Variants in DLG2 observed in about 807,000 individuals in gnomAD.
The protein encoded by DLG2 is disks large homolog 2.
A neutral mutation model predicts 132.5 loss-of-function variants in DLG2; 45 were observed. The observed-to-expected ratio is 0.34, with a 90% CI of 0.27 to 0.44. The LOEUF is 0.44. Ranked by LOEUF, DLG2 falls within the 20% of genes least tolerant of loss-of-function variation. The pLI is 1.00. For synonymous variants in DLG2, 424 were observed against 419.6 expected (o/e 1.01, Z -0.13); for missense variants, 1,045 against 1,196.9 (o/e 0.87, Z 1.87).
At chr11:85,060,702 G>C (rs988965684) in intron 6 of DLG2, among the ~76,000 whole-genome samples, 1 of 151,658 alleles carries the variant, frequency 6.6e-6, no homozygotes, top group African/African-American at 2.4e-5. Context: ...ACACAGACGT[G>C]AGATTGGTGG....
chr11:84,066,199 A>G (rs2096669166), intron 10 of DLG2, among the ~76,000 whole-genome samples: 1 of 152,176 alleles, frequency 6.6e-6, no homozygotes, highest in Non-Finnish European at 1.5e-5. Flanking sequence ...AAACATGCAC[A>G]TGTACCCCCG....
intron 6 of DLG2, among the ~76,000 whole-genome samples, chr11:84,734,346 T>C (rs2063546894): frequency 1.3e-5 from 2 of 152,194 alleles, no homozygotes; most frequent in Non-Finnish European, 2.9e-5. Context: ...CTTGAAGAGT[T>C]CCTTCACATC....
chr11:83,808,654 T>G (rs1031998690), intron 17 of DLG2, among the ~76,000 whole-genome samples: 9 of 152,194 alleles, frequency 5.9e-5, no homozygotes, highest in African/African-American at 1.9e-4. Context: ...ATCATCATCC[T>G]CTATCTTTTC....
At chr11:85,034,218 C>T (rs2061267355) in intron 6 of DLG2, among the ~76,000 whole-genome samples, 1 of 151,988 alleles carries the variant, frequency 6.6e-6, no homozygotes, top group Non-Finnish European at 1.5e-5. Context: ...GCTGGGACCA[C>T]AGGCGCCTGC....
chr11:85,116,359 T>G (rs1449965568), intron 5 of DLG2, among the ~76,000 whole-genome samples: 2 of 151,920 alleles, frequency 1.3e-5, no homozygotes, highest in African/African-American at 4.8e-5. Flanking sequence ...ACTCAGAAAG[T>G]GCCTCCAAAT....
At chr11:83,803,515 C>T (rs146014471) in intron 17 of DLG2, among the ~76,000 whole-genome samples, 29 of 152,132 alleles carry the variant, frequency 1.9e-4, no homozygotes, top group African/African-American at 6.5e-4. Context: ...TCCCAGTGAA[C>T]CTTATTATTT....
At chr11:84,029,746 C>T (rs2095640688) in intron 11 of DLG2, among the ~76,000 whole-genome samples, 1 of 152,072 alleles carries the variant, frequency 6.6e-6, no homozygotes, top group Admixed American at 6.6e-5. Context: ...AGGTTTAGGC[C>T]TGTGCTCTGT....
At chr11:83,739,567 C>A (rs2092330040) in intron 18 of DLG2, among the ~76,000 whole-genome samples, 1 of 151,988 alleles carries the variant, frequency 6.6e-6, no homozygotes, top group Non-Finnish European at 1.5e-5. Flanking sequence ...AGAAGATATT[C>A]AAATAGCTGA....
intron 7 of DLG2, among the ~76,000 whole-genome samples, chr11:84,314,774 G>A (rs2098337752): frequency 6.6e-6 from 1 of 151,702 alleles, no homozygotes; most frequent in African/African-American, 2.4e-5. Flanking sequence ...TAGGTATAGT[G>A]AGACATTTGA....
chr11:84,319,109 G>A (rs1233143724), intron 7 of DLG2, among the ~76,000 whole-genome samples: 1 of 151,964 alleles, frequency 6.6e-6, no homozygotes, highest in Admixed American at 6.6e-5. Context: ...AATAACAAAG[G>A]CATTAATAGT....
chr11:83,877,645 T>G (rs903787692), intron 15 of DLG2, among the ~76,000 whole-genome samples: 4 of 152,324 alleles, frequency 2.6e-5, no homozygotes, highest in Admixed American at 6.5e-5. Context: ...ACATGCAAGG[T>G]TAGCCAGTTT....
intron 7 of DLG2, among the ~76,000 whole-genome samples, chr11:84,488,524 C>G (rs1458931113): frequency 6.6e-6 from 1 of 152,050 alleles, no homozygotes; most frequent in Non-Finnish European, 1.5e-5. Flanking sequence ...CTTCCTTAGC[C>G]CTGAGATTTG....
chr11:85,581,877 C>G (rs1475285968), intron 3 of DLG2, among the ~76,000 whole-genome samples: 1 of 151,972 alleles, frequency 6.6e-6, no homozygotes, highest in Non-Finnish European at 1.5e-5. Context: ...AGGTCAGCAG[C>G]TAATGTTGAA....
chr11:85,073,177 C>G (rs2066102995), intron 6 of DLG2, among the ~76,000 whole-genome samples: 1 of 151,784 alleles, frequency 6.6e-6, no homozygotes, highest in African/African-American at 2.4e-5. Context: ...TATATTCATA[C>G]AGACAGACCC....
chr11:84,950,806 A>G (rs1045608544), intron 6 of DLG2, among the ~76,000 whole-genome samples: 5 of 152,182 alleles, frequency 3.3e-5, no homozygotes, highest in Admixed American at 3.3e-4. Flanking sequence ...ATGTACACAT[A>G]TAACCCCAAA....
At chr11:85,107,360 A>G (rs1438936134) in intron 6 of DLG2, among the ~76,000 whole-genome samples, 2 of 152,048 alleles carry the variant, frequency 1.3e-5, no homozygotes, top group Non-Finnish European at 2.9e-5. Flanking sequence ...TTCTGAGTAT[A>G]CCTAATAATT....
In DLG2 at chr11:84,463,989, T is replaced by C. The variant is rs530157652; in HGVS notation, c.519+70581A>G. On this transcript the variant is annotated intron_variant, in intron 7 of 27. Transcript: ENST00000376104. ...CCTTTAGTGAATGAATTAGCAATTA[T>C]GTATACAGCAACATACATCAAATAT... Among the ~76,000 whole-genome samples, 6 of 151,406 alleles carry C rather than the reference T, an allele frequency of 4.0e-5. No homozygotes were observed. In the East Asian group the frequency reaches 5.8e-4, roughly 15 times the overall value.
At chr11:84,646,752 G>T (rs1254759700) in intron 6 of DLG2, among the ~76,000 whole-genome samples, 1 of 151,814 alleles carries the variant, frequency 6.6e-6, no homozygotes, top group East Asian at 1.9e-4. Flanking sequence ...GTTATAGTCA[G>T]TTCCTGCTGA....
intron 6 of DLG2, among the ~76,000 whole-genome samples, chr11:84,687,583 A>T (rs2099739224): frequency 6.6e-6 from 1 of 152,170 alleles, no homozygotes; most frequent in South Asian, 2.1e-4. Context: ...CTGCCTTCTT[A>T]AATAAACTCT....
Sources: allele counts gnomAD v4.1 joint callset (sites outside exome capture counted in the v4.1 genomes callset), GRCh38; gene constraint gnomAD v4.1.1; transcripts MANE v1.5; gene names NCBI Gene and HGNC (gene_info 2026-07-23, HGNC 2026-07-21).